TFAP4: variants seen among roughly 807,000 people sequenced by gnomAD.
TFAP4 encodes transcription factor AP-4, also known as activating enhancer-binding protein 4.
TFAP4 carries 7 observed loss-of-function variants against 40.4 expected under a neutral mutation model. The ratio of observed to expected loss-of-function variants is 0.17; its 90% CI spans 0.10 to 0.33. The LOEUF is 0.33. Ranked by LOEUF, TFAP4 falls within the 10% of genes least tolerant of loss-of-function variation. TFAP4 has a pLI of 1.00. For missense variants in TFAP4, 374 were observed against 451.1 expected (o/e 0.83, Z 1.55); for synonymous variants, 218 against 181.4 (o/e 1.20, Z -1.62).
In TFAP4 at chr16:4,262,667, G is replaced by A; in HGVS notation, c.124C>T (p.Arg42Trp). ...CGCCGAATCCGCCGCTCCTGGTCCC[G>A]CTGAGTCTCGGGGGTTAGTGGAATG... ...ANIPLTPETQRDQERRIRREI... is the reference protein window; with the variant it reads ...ANIPLTPETQWDQERRIRREI... Residue 42 changes from arginine to tryptophan, a missense_variant, in exon 2 of 7, where the codon CGG becomes TGG. Physicochemically the swap from Arg to Trp is moderately radical, Grantham distance 101 (BLOSUM62 -3). This residue lies in a region of TFAP4 where 51 missense variants were observed against 59.3 expected (regional missense o/e 0.86). Transcript: ENST00000204517. 2 of 1,610,574 alleles carry A rather than the reference G, an allele frequency of 1.2e-6. No homozygotes were observed. Among genetic ancestry groups the A allele is most frequent in the Non-Finnish European group, 8.5e-7 (1 of 1,179,974 alleles).
At chr16:4,261,520 C>T (rs1397683157) in intron 4 of TFAP4, among the ~76,000 whole-genome samples, 1 of 151,922 alleles carries the variant, frequency 6.6e-6, no homozygotes, top group Admixed American at 6.6e-5. Flanking sequence ...ATCTGCTGAC[C>T]TCAGGTGATC....
chr16:4,261,722 C>T, intron 4 of TFAP4, 57 bp downstream of exon 4: 1 of 1,497,150 alleles, frequency 6.7e-7, no homozygotes, highest in Non-Finnish European at 8.8e-7. Context: ...GAGGCGCGAC[C>T]CCAGGCTCCA....
At chr16:4,270,036 T>A (rs2053029157) in intron 1 of TFAP4, among the ~76,000 whole-genome samples, 1 of 151,628 alleles carries the variant, frequency 6.6e-6, no homozygotes, top group Non-Finnish European at 1.5e-5. Flanking sequence ...AATAAAAAAA[T>A]TAGCCAGGCA....
chr16:4,263,531 C>G (rs2052965664), intron 1 of TFAP4: 1 of 152,384 alleles, frequency 6.6e-6, no homozygotes, highest in Non-Finnish European at 1.5e-5. Flanking sequence ...GCCACGCCTC[C>G]CACCACAAGC....
intron 1 of TFAP4, among the ~76,000 whole-genome samples, chr16:4,268,584 T>A (rs546702332): frequency 4.0e-4 from 61 of 152,186 alleles, no homozygotes; most frequent in Admixed American, 2.6e-4. Flanking sequence ...ATTATTTTTT[T>A]AATTTATTTT....
chr16:4,257,982 CG>C lies in TFAP4; in HGVS notation c.*72del. 1 of 1,423,054 alleles carries C rather than the reference CG, an allele frequency of 7.0e-7. No individual in the cohort carries two copies. The highest frequency in any genetic ancestry group is 9.5e-7 in the Non-Finnish European group (1 of 1,050,590). 88.2% of individuals were successfully genotyped at this position (1,423,054 alleles called of 1,614,324 possible). On this transcript the variant is annotated 3_prime_UTR_variant, in exon 7 of 7. Coordinates refer to ENST00000204517, the MANE Select transcript of TFAP4 (RefSeq NM_003223.3). ...ATTTTGTAAAAATTTCTCACTCATTCGCCCATGTCTCTCCCTGTGGCTGCCC... is the reference window on the plus strand; with the variant it reads ...ATTTTGTAAAAATTTCTCACTCATTCCCCATGTCTCTCCCTGTGGCTGCCC...
At chr16:4,260,744 AGCCCCCG>A in intron 4 of TFAP4, 149 bp from the exon 5 acceptor site, 3 of 885,038 alleles carry the variant, frequency 3.4e-6, no homozygotes, top group Non-Finnish European at 3.2e-6. Context: ...AGAGCCCTTC[AGCCCCCG>A]GCTCCTCTCG....
At chr16:4,259,948 C>G in intron 6 of TFAP4, 142 bp downstream of exon 6, 5 of 1,131,644 alleles carry the variant, frequency 4.4e-6, no homozygotes, top group Non-Finnish European at 6.0e-6. Context: ...AGGGACGGGG[C>G]CCCCCAAGGC....
chr16:4,267,145 T>A (rs1324730686), intron 1 of TFAP4: 1 of 152,420 alleles, frequency 6.6e-6, no homozygotes, highest in Non-Finnish European at 1.5e-5. Context: ...GCAATTCTCA[T>A]GCCTCAGCCT....
chr16:4,270,172 G>A (rs542947269), intron 1 of TFAP4, among the ~76,000 whole-genome samples: 186 of 151,014 alleles, frequency 1.2e-3, no homozygotes, highest in Non-Finnish European at 2.3e-3. Context: ...GTGAGACTCC[G>A]TCTCAAAAAA....
Position 4,272,912 on chromosome 16 carries a change from G to A in TFAP4, c.-166C>T, listed in dbSNP as rs1207820570. The A allele has an allele frequency of 1.8e-6, 1 of 560,618 alleles. No individual in the cohort carries two copies. Among genetic ancestry groups the A allele is most frequent in the Non-Finnish European group, 3.2e-6 (1 of 308,480 alleles). The allele number at this position is 560,618 out of a possible 1,614,324, so 34.7% of individuals were successfully genotyped here. ...GAGGGGAGGGAGGCGGGCGGGAGGG[G>A]CGGGAGGGAGGTCTCTCCGGCCTGC... On this transcript the variant is annotated 5_prime_UTR_variant, in exon 1 of 7. Transcript: ENST00000204517.
intron 1 of TFAP4, among the ~76,000 whole-genome samples, chr16:4,271,694 G>A (rs148371505): frequency 2.0e-5 from 3 of 152,292 alleles, no homozygotes; most frequent in Non-Finnish European, 2.9e-5. Flanking sequence ...TTTACGGCAG[G>A]GGGGAGGGGC....
At chr16:4,261,102 G>A (rs1170197301) in intron 4 of TFAP4, among the ~76,000 whole-genome samples, 2 of 151,990 alleles carry the variant, frequency 1.3e-5, no homozygotes, top group Non-Finnish European at 2.9e-5. Context: ...CTGAGTAACC[G>A]GGACTACAGG....
chr16:4,261,700 G>A, intron 4 of TFAP4, 79 bp downstream of exon 4: 1 of 1,425,466 alleles, frequency 7.0e-7, no homozygotes. Flanking sequence ...TCCACCGAGG[G>A]CCGCAGAGCA....
intron 6 of TFAP4, 59 bp downstream of exon 6, chr16:4,260,031 A>G (rs1161548110): frequency 1.0e-5 from 16 of 1,549,584 alleles, no homozygotes; most frequent in East Asian, 4.7e-5. Context: ...AGTCTCCCCT[A>G]AAGAGCCTGT....
At chr16:4,265,056 G>T (rs529990666) in intron 1 of TFAP4, 1 of 152,270 alleles carries the variant, frequency 6.6e-6, no homozygotes, top group South Asian at 2.1e-4. Flanking sequence ...CCCTCCTGGA[G>T]GGTCCACAAC....
intron 3 of TFAP4, 64 bp downstream of exon 3, chr16:4,262,260 G>A: frequency 1.3e-6 from 2 of 1,552,534 alleles, no homozygotes; most frequent in South Asian, 1.1e-5. Flanking sequence ...TGAGTCCCAG[G>A]CCCATGGCTG....
intron 1 of TFAP4, among the ~76,000 whole-genome samples, chr16:4,269,979 G>A (rs531306727): frequency 2.0e-5 from 3 of 152,196 alleles, no homozygotes; most frequent in African/African-American, 4.8e-5. Context: ...TCAGGGGTTC[G>A]AGACCAGCCT....
At position 4,262,688 on chromosome 16, in the gene TFAP4, G is replaced by A; in HGVS notation, c.103C>T (p.Pro35Ser). The change falls in exon 2 of 7, where the codon CCA (proline) becomes TCA (serine). Residue 35 changes from proline to serine, a missense_variant. By Grantham distance (74) the Pro-to-Ser change is moderately conservative. Coordinates refer to ENST00000204517, the MANE Select transcript of TFAP4 (RefSeq NM_003223.3). The stretch of plus-strand genomic sequence containing the variant: ...TCCCGCTGAGTCTCGGGGGTTAGTG[G>A]AATGTTGGCAAGGCTGCCAGAGAGG... ...IGGLCSLANIPLTPETQRDQE... is the reference protein window; with the variant it reads ...IGGLCSLANISLTPETQRDQE... 6.2e-7 allele frequency: 1 copy of A among 1,608,932 alleles called. No individual in the cohort carries two copies. Among genetic ancestry groups the A allele is most frequent in the Non-Finnish European group, 8.5e-7 (1 of 1,179,920 alleles).
Sources: gnomAD v4.1 joint callset for allele counts (sites outside exome capture counted in the v4.1 genomes callset) on GRCh38, gnomAD v4.1.1 for gene constraint, gnomAD v4.1.1 regional missense constraint, MANE v1.5 for transcripts, NCBI Gene and HGNC (gene_info 2026-07-23, HGNC 2026-07-21) for gene names.